The following SKIC3 variants were observed in gnomAD, a reference collection of about 807,000 sequenced individuals.
SKIC3 encodes the protein superkiller complex protein 3.
chr5:95,529,672 A>C, the SKIC3 span, among the ~76,000 whole-genome samples: 1 of 152,276 alleles, frequency 6.6e-6, no homozygotes, highest in East Asian at 1.9e-4. Context: ...ATTCAGATCT[A>C]TAATTTGAAT....
chr5:95,508,643 C>T, the SKIC3 span, among the ~76,000 whole-genome samples: 8 of 152,206 alleles, frequency 5.3e-5, no homozygotes, highest in Non-Finnish European at 1.2e-4. Flanking sequence ...CATTCTCTGG[C>T]CCTTTTCCCT....
chr5:95,515,887 A>C, the SKIC3 span, among the ~76,000 whole-genome samples: 1 of 152,150 alleles, frequency 6.6e-6, no homozygotes, highest in Non-Finnish European at 1.5e-5. Flanking sequence ...ATAATTGCTC[A>C]AGTATGACAA....
At chr5:95,537,167 C>A in the SKIC3 span, 1 of 1,562,354 alleles carries the variant, frequency 6.4e-7, no homozygotes, top group East Asian at 2.2e-5. Context: ...AAGCTATCAT[C>A]TGTATCATAC....
the SKIC3 span, among the ~76,000 whole-genome samples, chr5:95,527,248 T>G: frequency 6.6e-6 from 1 of 152,208 alleles, no homozygotes; most frequent in Non-Finnish European, 1.5e-5. Context: ...TTCTCCAAAA[T>G]AGCAGTCATT....
chr5:95,524,447 T>C, the SKIC3 span: 29 of 1,612,114 alleles, frequency 1.8e-5, no homozygotes, highest in East Asian at 2.9e-4. Context: ...AGGAATTGAA[T>C]TGTAGCACTT....
the SKIC3 span, chr5:95,522,200 G>A: frequency 6.2e-7 from 1 of 1,613,838 alleles, no homozygotes. Flanking sequence ...ACTGGCTTTT[G>A]TGAAGGACTT....
At chr5:95,516,530 G>A in the SKIC3 span, 1 of 1,613,220 alleles carries the variant, frequency 6.2e-7, no homozygotes, top group Admixed American at 1.7e-5. Flanking sequence ...CTCACAATTT[G>A]TTCTGACTGG....
chr5:95,526,543 G>A, the SKIC3 span, among the ~76,000 whole-genome samples: 3 of 150,648 alleles, frequency 2.0e-5, no homozygotes, highest in Non-Finnish European at 4.5e-5. Flanking sequence ...GTCTGATCTT[G>A]ACTCACTGCA....
chr5:95,512,798 T>A, the SKIC3 span: 1 of 655,696 alleles, frequency 1.5e-6, no homozygotes, highest in Non-Finnish European at 2.5e-6. Context: ...GAAGAACATA[T>A]TGAAATTATT....
At chr5:95,524,659 G>A in the SKIC3 span, 1 of 1,597,304 alleles carries the variant, frequency 6.3e-7, no homozygotes, top group South Asian at 1.1e-5. Context: ...CGCAATATAG[G>A]AGACTCCTAG....
the SKIC3 span, among the ~76,000 whole-genome samples, chr5:95,510,741 G>C: frequency 6.6e-6 from 1 of 152,122 alleles, no homozygotes; most frequent in African/African-American, 2.4e-5. Flanking sequence ...TGTTCGGGGA[G>C]ACTGATTTCG....
chr5:95,491,019 C>T, the SKIC3 span: 9 of 1,613,700 alleles, frequency 5.6e-6, no homozygotes, highest in Non-Finnish European at 7.6e-6. Context: ...ATTAGCCCAG[C>T]CCAGATAGCA....
chr5:95,516,562 T>A, the SKIC3 span: 1 of 1,613,476 alleles, frequency 6.2e-7, no homozygotes, highest in Non-Finnish European at 8.5e-7. Context: ...GAAACAGTGC[T>A]GAGCAAGGGC....
chr5:95,506,723 C>T, the SKIC3 span, among the ~76,000 whole-genome samples: 1 of 152,166 alleles, frequency 6.6e-6, no homozygotes, highest in Admixed American at 6.5e-5. Flanking sequence ...AGTCAACAAA[C>T]CATGAGTTCT....
chr5:95,554,157 C>T, the SKIC3 span, among the ~76,000 whole-genome samples: 4 of 152,156 alleles, frequency 2.6e-5, no homozygotes, highest in African/African-American at 9.7e-5. Flanking sequence ...ACGCTCAGCA[C>T]CTAAGTGCCA....
chr5:95,530,712 C>A, the SKIC3 span, among the ~76,000 whole-genome samples: 1 of 152,160 alleles, frequency 6.6e-6, no homozygotes, highest in Non-Finnish European at 1.5e-5. Context: ...TAGTCACATT[C>A]CTCTTAAGTC....
the SKIC3 span, among the ~76,000 whole-genome samples, chr5:95,500,529 T>C: frequency 1.2e-3 from 184 of 152,338 alleles, no homozygotes; most frequent in African/African-American, 4.4e-3. Context: ...TATACATCAC[T>C]AACCATGAAT....
the SKIC3 span, chr5:95,506,802 C>T: frequency 2.2e-6 from 2 of 916,990 alleles, no homozygotes; most frequent in South Asian, 2.9e-5. Context: ...TTAACAGAGC[C>T]TGTTTCTATG....
chr5:95,496,219 T>C, the SKIC3 span, among the ~76,000 whole-genome samples: 208 of 152,272 alleles, frequency 1.4e-3, no homozygotes, highest in African/African-American at 4.9e-3. Flanking sequence ...GGTTTTACCA[T>C]GTTAGCCAGG....
Sources: allele counts gnomAD v4.1 joint callset (sites outside exome capture counted in the v4.1 genomes callset), GRCh38; gene constraint gnomAD v4.1.1; transcripts MANE v1.5; gene names NCBI Gene and HGNC (gene_info 2026-07-23, HGNC 2026-07-21).